Variants in IL31RA observed in about 807,000 individuals in gnomAD.
IL31RA encodes the protein interleukin 31 receptor A.
A neutral mutation model predicts 83.7 loss-of-function variants in IL31RA; 66 were observed. That is an observed-to-expected ratio of 0.79 (90% CI 0.65 to 0.97). The LOEUF (loss-of-function observed/expected upper bound fraction) is 0.97. Ranked by LOEUF, IL31RA falls within the 50% of genes least tolerant of loss-of-function variation. The probability of loss-of-function intolerance (pLI) is 0.00; values close to 1 mark genes in which losing one functional copy is unlikely to be tolerated. For missense variants in IL31RA, 798 were observed against 919.4 expected (o/e 0.87, Z 1.71); for synonymous variants, 325 against 329.0 (o/e 0.99, Z 0.13).
chr5:55,848,459 T>G (rs555268280), upstream of IL31RA, among the ~76,000 whole-genome samples: 2 of 152,208 alleles, frequency 1.3e-5, no homozygotes, highest in Non-Finnish European at 2.9e-5. Context: ...TCTATCCTTT[T>G]GCTTTTTCAA....
chr5:55,901,329 A>C (rs1261962886), intron 8 of IL31RA, among the ~76,000 whole-genome samples: 1 of 152,076 alleles, frequency 6.6e-6, no homozygotes, highest in Non-Finnish European at 1.5e-5. Context: ...TCAGTTTCCC[A>C]GTGTGGCCCC....
intron 7 of IL31RA, among the ~76,000 whole-genome samples, chr5:55,897,785 GA>G (rs1448332364): frequency 6.6e-6 from 1 of 152,178 alleles, no homozygotes; most frequent in Non-Finnish European, 1.5e-5. Flanking sequence ...AGAGTGAAAA[GA>G]TGGGGAAGAA....
At chr5:55,866,205 G>T (rs560714445) in intron 2 of IL31RA, among the ~76,000 whole-genome samples, 1 of 152,220 alleles carries the variant, frequency 6.6e-6, no homozygotes, top group South Asian at 2.1e-4. Context: ...CTCACATGAG[G>T]AGCTGCACCA....
Position 55,908,379 on chromosome 5 carries a change from TC to T in IL31RA, c.1470del (p.Tyr492ThrfsTer25). 6.2e-7 allele frequency: 1 copy of T among 1,614,156 alleles called. No individual in the cohort carries two copies. The highest frequency in any genetic ancestry group is 8.5e-7 in the Non-Finnish European group (1 of 1,180,044). ...AAGGGTATCATCTGCAACTACACCATCTTTTACCAAGCTGAAGGTGGAAAAG... is the reference window on the plus strand; with the variant it reads ...AAGGGTATCATCTGCAACTACACCATTTTTACCAAGCTGAAGGTGGAAAAG... ...ERKGIICNYT[I>X]FYQAEGGKGF... On this transcript the variant is annotated frameshift_variant, in exon 11 of 15. Coordinates refer to ENST00000652347, the MANE Select transcript of IL31RA (RefSeq NM_139017.7). LOFTEE classifies it high-confidence loss of function.
chr5:55,915,631 C>T (rs1280373713), intron 14 of IL31RA, among the ~76,000 whole-genome samples: 1 of 151,792 alleles, frequency 6.6e-6, no homozygotes, highest in Non-Finnish European at 1.5e-5. Flanking sequence ...AGTCCTCGTT[C>T]CCACTCAGAA....
intron 4 of IL31RA, among the ~76,000 whole-genome samples, chr5:55,880,165 T>A (rs976644103): frequency 1.3e-5 from 2 of 152,368 alleles, no homozygotes; most frequent in Non-Finnish European, 2.9e-5. Context: ...TAAATAATTT[T>A]ATGGAAATAC....
At position 55,916,714 on chromosome 5, in the gene IL31RA, C is replaced by T. The variant is rs754373263; in HGVS notation, c.1889C>T (p.Thr630Ile). The change falls in exon 15 of 15, where the codon ACC becomes ATC. Residue 630 changes from threonine (T) to isoleucine (I), a missense_variant. Thr to Ile is a moderately conservative substitution (Grantham distance 89). Coordinates refer to ENST00000652347, the MANE Select transcript of IL31RA (RefSeq NM_139017.7). ...TEDRILKPCSTPSDKLVIDKL... is the reference protein window; with the variant it reads ...TEDRILKPCSIPSDKLVIDKL... ...GACAGGATCTTAAAACCATGTTCCA[C>T]CCCCAGTGACAAGTTGGTGATTGAC... The T allele has an allele frequency of 6.2e-6, 10 of 1,613,966 alleles. No individual in the cohort carries two copies. The East Asian group carries it at 2.2e-4, about 36-fold the overall frequency.
chr5:55,867,345 G>C (rs1419952902), intron 2 of IL31RA, among the ~76,000 whole-genome samples: 3 of 150,830 alleles, frequency 2.0e-5, no homozygotes, highest in African/African-American at 7.3e-5. Context: ...GTATGTTTAG[G>C]ATCAACCCCT....
At chr5:55,890,868 G>A (rs759311521) in intron 6 of IL31RA, among the ~76,000 whole-genome samples, 2 of 152,210 alleles carry the variant, frequency 1.3e-5, no homozygotes, top group Non-Finnish European at 2.9e-5. Context: ...GTCATTAAGA[G>A]CAACGCTTCC....
the IL31RA span, among the ~76,000 whole-genome samples, chr5:55,843,034 G>A: frequency 2.0e-5 from 3 of 152,088 alleles, no homozygotes; most frequent in Admixed American, 6.6e-5. Context: ...TTCTCAAGTT[G>A]TCCCCACCAC....
At position 55,851,510 on chromosome 5, in the gene IL31RA, T is replaced by C; in HGVS notation, c.-61T>C. 1 of 1,613,844 alleles carries C rather than the reference T, an allele frequency of 6.2e-7. No homozygotes were observed. The highest frequency in any genetic ancestry group is 2.2e-5 in the East Asian group (1 of 44,854). ...TAAATAGACCATGAAAAGACATGTG[T>C]GTGCAGTATGAAAATTGAGACAGGA... On this transcript the variant is annotated 5_prime_UTR_variant, in exon 1 of 15. Coordinates refer to ENST00000652347, the MANE Select transcript of IL31RA (RefSeq NM_139017.7).
chr5:55,850,602 G>A (rs3857290), upstream of IL31RA, among the ~76,000 whole-genome samples: 90,143 of 152,000 alleles, frequency 0.59, 27,962 homozygotes, highest in Non-Finnish European at 0.69. Context: ...TTTCTTTCAA[G>A]TTTTTTCCCC....
intron 7 of IL31RA, 112 bp from the exon 8 acceptor site, chr5:55,899,804 A>G: frequency 1.4e-6 from 1 of 740,280 alleles, no homozygotes; most frequent in Non-Finnish European, 2.5e-6. Flanking sequence ...ATTGTAGTTT[A>G]GTATCTAATA....
At chr5:55,851,326 T>C, upstream of IL31RA, 1 of 590,540 alleles carries the variant, frequency 1.7e-6, no homozygotes, top group Non-Finnish European at 3.0e-6. Flanking sequence ...TGAATAGAGC[T>C]TATTTAACAC....
In IL31RA at chr5:55,901,798, A is replaced by C. The variant is rs926640956; in HGVS notation, c.1069+1666A>C. On this transcript the variant is annotated intron_variant, in intron 8 of 14. Coordinates refer to ENST00000652347, the MANE Select transcript of IL31RA (RefSeq NM_139017.7). The stretch of plus-strand genomic sequence containing the variant: ...ACCAGGCTCATTTTGTATTTTTAGT[A>C]GCGACGGGGTTTCTCCATGTTGGTC... Among the ~76,000 whole-genome samples, 6 of 151,902 alleles carry C rather than the reference A, an allele frequency of 3.9e-5. No individual in the cohort carries two copies. In the East Asian group the frequency reaches 1.2e-3, roughly 30 times the overall value.
chr5:55,880,328 TC>T (rs1747126212), intron 4 of IL31RA, among the ~76,000 whole-genome samples: 2 of 152,296 alleles, frequency 1.3e-5, no homozygotes, highest in South Asian at 4.1e-4. Context: ...AGTCCATGTC[TC>T]TAAGTAGGGA....
chr5:55,910,358 T>G (rs1487092401), intron 11 of IL31RA, among the ~76,000 whole-genome samples, 174 bp from the exon 12 acceptor site: 1 of 152,218 alleles, frequency 6.6e-6, no homozygotes, highest in Admixed American at 6.5e-5. Context: ...GTTCTAGTTC[T>G]TATATTGAGG....
At chr5:55,907,707 G>T (rs1219865775) in intron 10 of IL31RA, among the ~76,000 whole-genome samples, 1 of 152,164 alleles carries the variant, frequency 6.6e-6, no homozygotes, top group African/African-American at 2.4e-5. Flanking sequence ...GAAATAACTT[G>T]CCCAAAGTCA....
chr5:55,876,496 A>G (rs1310586008), intron 4 of IL31RA, among the ~76,000 whole-genome samples: 1 of 152,200 alleles, frequency 6.6e-6, no homozygotes, highest in Non-Finnish European at 1.5e-5. Flanking sequence ...TTCACAGATA[A>G]TGCCGGAGTT....
Sources: allele counts gnomAD v4.1 joint callset (sites outside exome capture counted in the v4.1 genomes callset), GRCh38; gene constraint gnomAD v4.1.1; transcripts MANE v1.5; gene names NCBI Gene and HGNC (gene_info 2026-07-23, HGNC 2026-07-21).